PDE2A: variants seen among roughly 807,000 people sequenced by gnomAD.
The protein encoded by PDE2A is cGMP-dependent 3',5'-cyclic phosphodiesterase.
A neutral mutation model predicts 133.6 loss-of-function variants in PDE2A; 53 were observed. The ratio of observed to expected loss-of-function variants is 0.40; its 90% CI spans 0.32 to 0.50. PDE2A has a LOEUF of 0.50. Ranked by LOEUF, PDE2A falls within the 20% of genes least tolerant of loss-of-function variation. PDE2A has a pLI of 0.73. For synonymous variants in PDE2A, 491 were observed against 490.2 expected (o/e 1.00, Z -0.02); for missense variants, 796 against 1,232.4 (o/e 0.65, Z 5.30).
intron 2 of PDE2A, among the ~76,000 whole-genome samples, chr11:72,614,809 G>A (rs1213221243): frequency 2.6e-5 from 4 of 152,158 alleles, no homozygotes; most frequent in African/African-American, 9.7e-5. Flanking sequence ...ACGCCCCAGG[G>A]AAGGTCCCAA....
At chr11:72,626,796 A>C (rs1428975290) in intron 2 of PDE2A, among the ~76,000 whole-genome samples, 1 of 151,812 alleles carries the variant, frequency 6.6e-6, no homozygotes, top group African/African-American at 2.4e-5. Flanking sequence ...CCTCACCCTG[A>C]CTCTGGCACC....
chr11:72,623,395 T>C (rs1857878537), intron 2 of PDE2A, among the ~76,000 whole-genome samples: 1 of 152,062 alleles, frequency 6.6e-6, no homozygotes, highest in Non-Finnish European at 1.5e-5. Context: ...CTCCCCGGCC[T>C]CTAGACAATG....
intron 6 of PDE2A, among the ~76,000 whole-genome samples, chr11:72,593,716 A>G (rs551072021): frequency 3.9e-5 from 6 of 152,218 alleles, no homozygotes; most frequent in African/African-American, 1.4e-4. Context: ...AAAATTTGCA[A>G]TCAAGGTGCT....
intron 13 of PDE2A, 44 bp from the exon 14 acceptor site, chr11:72,586,225 G>T (rs1354691661): frequency 1.7e-6 from 2 of 1,145,046 alleles, no homozygotes; most frequent in Admixed American, 1.9e-5. Flanking sequence ...GGGAAGACTG[G>T]CTTCTCTCCC....
At chr11:72,630,624 G>A (rs368971027) in intron 2 of PDE2A, among the ~76,000 whole-genome samples, 12 of 152,108 alleles carry the variant, frequency 7.9e-5, no homozygotes, top group African/African-American at 2.9e-4. Flanking sequence ...AGAGTGACAA[G>A]TTCAGGTCTG....
At chr11:72,641,152 C>A (rs1858934918) in intron 2 of PDE2A, among the ~76,000 whole-genome samples, 1 of 152,222 alleles carries the variant, frequency 6.6e-6, no homozygotes, top group Non-Finnish European at 1.5e-5. Context: ...CTATCTCAAG[C>A]CCTAGCCGCC....
Position 72,590,671 on chromosome 11 carries a change from T to A in PDE2A, c.550-91A>T. Reference sequence around the variant, plus strand: ...TCCTGCCTTTGCTCCCGCCGTTCCCTCTGCCTGCCGGGCCCAGGGACCCCG... The same window carrying A: ...TCCTGCCTTTGCTCCCGCCGTTCCCACTGCCTGCCGGGCCCAGGGACCCCG... On this transcript the variant is annotated intron_variant, in intron 7 of 30. Transcript: ENST00000334456. The surrounding 1 kb of genome is among the most constrained non-coding windows in gnomAD (Gnocchi z 4.8). The A allele has an allele frequency of 8.3e-7, 1 of 1,211,308 alleles. No homozygotes were observed. The highest frequency in any genetic ancestry group is 1.1e-6 in the Non-Finnish European group (1 of 937,470). The allele number at this position is 1,211,308 out of a possible 1,614,324, so 75.0% of individuals were successfully genotyped here.
At chr11:72,664,712 G>A (rs992812880) in intron 1 of PDE2A, among the ~76,000 whole-genome samples, 7 of 151,348 alleles carry the variant, frequency 4.6e-5, no homozygotes, top group South Asian at 2.1e-4. Context: ...TTGTTTAATC[G>A]CCTCCTTAAA....
rs1855778362 is a variant in PDE2A at position 72,582,694 on chromosome 11, G to A, written c.1729-128C>T. The A allele has an allele frequency of 3.4e-6, 3 of 885,488 alleles. No homozygotes were observed. In the East Asian group the frequency reaches 8.1e-5, roughly 24 times the overall value. 54.9% of individuals were successfully genotyped at this position (885,488 alleles called of 1,614,324 possible). The stretch of plus-strand genomic sequence containing the variant: ...ACCACAGTTGGGCCACCACGCTGTG[G>A]ACTGTAACTGGGCAGGAAATCACCA... On this transcript the variant is annotated intron_variant, in intron 20 of 30. Coordinates refer to ENST00000334456, the MANE Select transcript of PDE2A (RefSeq NM_002599.5).
At chr11:72,615,530 G>T (rs888769349) in intron 2 of PDE2A, among the ~76,000 whole-genome samples, 2 of 152,154 alleles carry the variant, frequency 1.3e-5, no homozygotes, top group Non-Finnish European at 2.9e-5. Context: ...AGTGTGGGGA[G>T]GGGGAGGATG....
chr11:72,648,369 C>A (rs919944866), intron 1 of PDE2A, among the ~76,000 whole-genome samples: 3 of 152,178 alleles, frequency 2.0e-5, no homozygotes, highest in African/African-American at 7.2e-5. Flanking sequence ...GTGGGGGTAG[C>A]CCTCACAGAG....
At position 72,590,185 on chromosome 11, in the gene PDE2A, G is replaced by A; in HGVS notation, c.756+7C>T. 6.5e-7 allele frequency: 1 copy of A among 1,548,508 alleles called. No homozygotes were observed. Among genetic ancestry groups the A allele is most frequent in the Non-Finnish European group, 8.7e-7 (1 of 1,144,456 alleles). On this transcript the variant is annotated splice_region_variant and intron_variant, in intron 9 of 30. Coordinates refer to ENST00000334456, the MANE Select transcript of PDE2A (RefSeq NM_002599.5). The surrounding 1 kb of genome is among the most constrained non-coding windows in gnomAD (Gnocchi z 4.8). ...GGGAGGTGGCCGGCAGGGGCGCAGG[G>A]ACTCACGTATTGGAGCACTTTGAGC...
rs111253499 is a variant in PDE2A, at chr11:72,593,180, T to TACACACACAC, written c.490-1834_490-1825dup. 6.5e-3 allele frequency among the ~76,000 whole-genome samples: 964 copies of TACACACACAC among 149,236 alleles called. 10 individuals are homozygous for TACACACACAC. Among genetic ancestry groups the TACACACACAC allele is most frequent in the African/African-American group, 0.022 (897 of 40,520 alleles). On this transcript the variant is annotated intron_variant, in intron 6 of 30. Coordinates refer to ENST00000334456, the MANE Select transcript of PDE2A (RefSeq NM_002599.5). Reference sequence around the variant, plus strand: ...TACACTCAATCTCCCATGGAGGTGGTACACACACACACACACACACGGTGC... The same window carrying TACACACACAC: ...TACACTCAATCTCCCATGGAGGTGGTACACACACACACACACACACACACACACACGGTGC...
Position 72,583,491 on chromosome 11 carries a change from C to CA in PDE2A, c.1674dup (p.Glu559Ter). The CA allele has an allele frequency of 6.2e-7, 1 of 1,612,182 alleles. No individual in the cohort carries two copies. Among genetic ancestry groups the CA allele is most frequent in the Non-Finnish European group, 8.5e-7 (1 of 1,178,276 alleles). ...GCCAGGTGGCTGCGATACTGAGCCT[C>CA]ATTCACTTTTTTGTATAGGAGAGAC... is the stretch of plus-strand genomic sequence containing the variant. On this transcript the variant is annotated frameshift_variant, in exon 20 of 31. Transcript: ENST00000334456. LOFTEE classifies it high-confidence loss of function.
At chr11:72,599,924 G>T (rs1202451399) in intron 4 of PDE2A, among the ~76,000 whole-genome samples, 1 of 152,220 alleles carries the variant, frequency 6.6e-6, no homozygotes, top group Non-Finnish European at 1.5e-5. Flanking sequence ...AGGGTGTGAT[G>T]GAGTCAGAGA....
At position 72,584,237 on chromosome 11, in the gene PDE2A, C is replaced by G; in HGVS notation, c.1614G>C (p.Thr538=). ...WFSKFDEDLA[T]AFSIYCGISI... ...TGATGCCGCAGTAGATGGAGAAGGCCGTCGCCAGGTCCTCGTCGAACTTGC... is the reference window on the plus strand; with the variant it reads ...TGATGCCGCAGTAGATGGAGAAGGCGGTCGCCAGGTCCTCGTCGAACTTGC... The change falls in exon 19 of 31, where the codon ACG becomes ACC. Residue 538 remains threonine, a synonymous_variant. Transcript: ENST00000334456. The G allele has an allele frequency of 1.9e-6, 3 of 1,612,704 alleles. No homozygotes were observed. The highest frequency in any genetic ancestry group is 2.5e-6 in the Non-Finnish European group (3 of 1,178,880).
chr11:72,632,747 C>T (rs374047955), intron 2 of PDE2A, among the ~76,000 whole-genome samples: 1 of 152,206 alleles, frequency 6.6e-6, no homozygotes, highest in African/African-American at 2.4e-5. Context: ...GGAGGGAGGG[C>T]CAGTTTCACT....
chr11:72,618,641 C>A (rs569739154), intron 2 of PDE2A, among the ~76,000 whole-genome samples: 1 of 152,346 alleles, frequency 6.6e-6, no homozygotes, highest in African/African-American at 2.4e-5. Context: ...GGACCCCGGG[C>A]CTGAGTCTCT....
Position 72,590,698 on chromosome 11 carries a change from C to G in PDE2A, c.550-118G>C. On this transcript the variant is annotated intron_variant, in intron 7 of 30. Coordinates refer to ENST00000334456, the MANE Select transcript of PDE2A (RefSeq NM_002599.5). The surrounding 1 kb of genome is among the most constrained non-coding windows in gnomAD (Gnocchi z 4.8). ...TGCCTGCCGGGCCCAGGGACCCCGC[C>G]GCCGTCCCAAACACCTCATCCCTGG... 2.0e-6 allele frequency: 2 copies of G among 991,278 alleles called. No individual in the cohort carries two copies. The highest frequency in any genetic ancestry group is 3.2e-5 in the East Asian group (1 of 30,900). The allele number at this position is 991,278 out of a possible 1,614,324, so 61.4% of individuals were successfully genotyped here.
Sources: allele counts gnomAD v4.1 joint callset (sites outside exome capture counted in the v4.1 genomes callset), GRCh38; gene constraint gnomAD v4.1.1; non-coding constraint Gnocchi (gnomAD v3.1); transcripts MANE v1.5; gene names NCBI Gene and HGNC (gene_info 2026-07-23, HGNC 2026-07-21).